Variants in FAR1 observed in about 807,000 individuals in gnomAD.
FAR1 encodes male sterility domain-containing protein 2.
FAR1 carries 22 observed loss-of-function variants against 61.1 expected under a neutral mutation model. The ratio of observed to expected loss-of-function variants is 0.36; its 90% CI spans 0.26 to 0.51. The LOEUF (loss-of-function observed/expected upper bound fraction) is 0.51, where lower values mean the gene tolerates loss of function less well. Ranked by LOEUF, FAR1 falls within the 20% of genes least tolerant of loss-of-function variation. FAR1 has a pLI of 0.95. For missense variants in FAR1, 359 were observed against 626.9 expected (o/e 0.57, Z 4.56); for synonymous variants, 206 against 209.7 (o/e 0.98, Z 0.15).
intron 1 of FAR1, among the ~76,000 whole-genome samples, chr11:13,673,796 A>T (rs1848036159): frequency 6.6e-6 from 1 of 152,210 alleles, no homozygotes; most frequent in Admixed American, 6.5e-5. Context: ...TATGTCTTAA[A>T]TGTATCTCAA....
At chr11:13,683,379 CA>C (rs964261480) in intron 1 of FAR1, among the ~76,000 whole-genome samples, 1 of 150,126 alleles carries the variant, frequency 6.7e-6, no homozygotes, top group Admixed American at 6.6e-5. Context: ...GCTGACAGAA[CA>C]AGACTCCATC....
chr11:13,688,396 A>G (rs1219031637), intron 1 of FAR1, among the ~76,000 whole-genome samples: 3 of 152,094 alleles, frequency 2.0e-5, no homozygotes, highest in Non-Finnish European at 4.4e-5. Context: ...CTAACAGAAT[A>G]TTTATTTTCT....
At chr11:13,725,167 A>G (rs557296594) in intron 10 of FAR1, among the ~76,000 whole-genome samples, 9 of 152,138 alleles carry the variant, frequency 5.9e-5, no homozygotes, top group Non-Finnish European at 8.8e-5. Context: ...CTTTATGTCT[A>G]TATGTACACA....
chr11:13,674,259 A>C (rs761911722), intron 1 of FAR1, among the ~76,000 whole-genome samples: 2 of 151,540 alleles, frequency 1.3e-5, no homozygotes, highest in Non-Finnish European at 2.9e-5. Flanking sequence ...CAGTGAGCCA[A>C]GATAGCGCCA....
intron 1 of FAR1, among the ~76,000 whole-genome samples, chr11:13,689,940 G>A (rs971091917): frequency 1.3e-5 from 2 of 150,398 alleles, no homozygotes; most frequent in East Asian, 3.9e-4. Flanking sequence ...CAGTGGCACG[G>A]TCTTGGCTCA....
At chr11:13,705,453 C>A (rs1235369421) in intron 3 of FAR1, among the ~76,000 whole-genome samples, 1 of 152,056 alleles carries the variant, frequency 6.6e-6, no homozygotes, top group Admixed American at 6.6e-5. Flanking sequence ...CAAATTATCC[C>A]TTATTTTCGG....
At chr11:13,709,140 C>G (rs561774227) in intron 4 of FAR1, among the ~76,000 whole-genome samples, 50 of 152,130 alleles carry the variant, frequency 3.3e-4, no homozygotes, top group African/African-American at 1.2e-3. Flanking sequence ...TTCTTTCTTT[C>G]CAGAGATTCT....
intron 2 of FAR1, among the ~76,000 whole-genome samples, chr11:13,698,708 G>C (rs571199465): frequency 3.0e-4 from 46 of 151,982 alleles, no homozygotes; most frequent in Non-Finnish European, 5.4e-4. Context: ...GCGGGCACCT[G>C]TAGTCCCAGC....
At chr11:13,685,841 G>A (rs1157326667) in intron 1 of FAR1, among the ~76,000 whole-genome samples, 1 of 152,178 alleles carries the variant, frequency 6.6e-6, no homozygotes, top group African/African-American at 2.4e-5. Context: ...AATTTTCTGT[G>A]GAGCAGATTT....
At chr11:13,709,065 A>G (rs1453572531) in intron 4 of FAR1, among the ~76,000 whole-genome samples, 5 of 152,056 alleles carry the variant, frequency 3.3e-5, no homozygotes, top group African/African-American at 4.8e-5. Context: ...CCATATTTTC[A>G]TGTTTGTTAA....
In FAR1 at chr11:13,710,902, G is replaced by T. The variant is rs933175761; in HGVS notation, c.723+32G>T. 14 of 1,579,260 alleles carry T rather than the reference G, an allele frequency of 8.9e-6. No individual in the cohort carries two copies. The Admixed American group carries it at 2.6e-4, about 30-fold the overall frequency. On this transcript the variant is annotated intron_variant, in intron 5 of 11. Coordinates refer to ENST00000354817, the MANE Select transcript of FAR1 (RefSeq NM_032228.6). ...TGTTAGAAACCTTTATAAATAACTG[G>T]AGTTGAGAATTTTAAGTTGTAACTC...
At chr11:13,670,863 G>A (rs970741093) in intron 1 of FAR1, among the ~76,000 whole-genome samples, 5 of 152,046 alleles carry the variant, frequency 3.3e-5, no homozygotes, top group African/African-American at 1.2e-4. Context: ...AAAGAAGGTG[G>A]CCCACTACCA....
At chr11:13,694,221 C>T (rs1236977871) in intron 1 of FAR1, among the ~76,000 whole-genome samples, 1 of 152,134 alleles carries the variant, frequency 6.6e-6, no homozygotes, top group African/African-American at 2.4e-5. Context: ...GAGATTTAAG[C>T]ACCTTTTGGA....
intron 2 of FAR1, among the ~76,000 whole-genome samples, chr11:13,697,135 A>G (rs1229131766): frequency 2.0e-5 from 3 of 152,084 alleles, no homozygotes; most frequent in Non-Finnish European, 4.4e-5. Context: ...AGGTAACAGA[A>G]ACTCCATTGG....
At chr11:13,690,539 T>C (rs1053566861) in intron 1 of FAR1, among the ~76,000 whole-genome samples, 13 of 152,230 alleles carry the variant, frequency 8.5e-5, no homozygotes, top group Admixed American at 3.3e-4. Context: ...TCTGAATTTC[T>C]GTGTATAGTG....
rs1298121454 is a variant in FAR1 at position 13,728,677 on chromosome 11, C to T, written c.1451C>T (p.Ala484Val). 6.2e-7 allele frequency: 1 copy of T among 1,612,318 alleles called. No individual in the cohort carries two copies. Among genetic ancestry groups the T allele is most frequent in the Admixed American group, 1.7e-5 (1 of 59,942 alleles). Residue 484 changes from alanine to valine, a missense_variant, in exon 12 of 12, where the codon GCA (alanine) becomes GTA (valine). Coordinates refer to ENST00000354817, the MANE Select transcript of FAR1 (RefSeq NM_032228.6). ...LVILIWRIFI[A>V]RSQMARNIWY... The stretch of plus-strand genomic sequence containing the variant: ...ATCCTCATCTGGCGCATTTTTATTG[C>T]AAGATCACAAATGGCAAGAAATATC...
intron 1 of FAR1, chr11:13,669,786 G>T (rs1440125167): frequency 6.6e-6 from 1 of 152,084 alleles, no homozygotes; most frequent in Non-Finnish European, 1.5e-5. Flanking sequence ...ATCTCGTTTT[G>T]CCTCAGCAGC....
intron 3 of FAR1, among the ~76,000 whole-genome samples, chr11:13,701,525 AG>A (rs1848374900): frequency 6.6e-6 from 1 of 152,138 alleles, no homozygotes; most frequent in Non-Finnish European, 1.5e-5. Flanking sequence ...TGTCTCTATA[AG>A]CAAAATATTT....
chr11:13,723,664 T>C (rs888714904), intron 10 of FAR1, among the ~76,000 whole-genome samples: 1 of 152,188 alleles, frequency 6.6e-6, no homozygotes, highest in East Asian at 1.9e-4. Context: ...ACTATTCTTA[T>C]ATCGTCTTCC....
Sources: gnomAD v4.1 joint callset for allele counts (sites outside exome capture counted in the v4.1 genomes callset) on GRCh38, gnomAD v4.1.1 for gene constraint, MANE v1.5 for transcripts, NCBI Gene and HGNC (gene_info 2026-07-23, HGNC 2026-07-21) for gene names.